NEBL: variants seen among roughly 807,000 people sequenced by gnomAD.
NEBL encodes nebulette.
NEBL carries 122 observed loss-of-function variants against 140.2 expected under a neutral mutation model. The ratio of observed to expected loss-of-function variants is 0.87; its 90% CI spans 0.75 to 1.01. The LOEUF is 1.01. NEBL is among the 50% of genes least tolerant of loss of function. The probability of loss-of-function intolerance (pLI) is 0.00; values close to 1 mark genes in which losing one functional copy is unlikely to be tolerated. For synonymous variants in NEBL, 436 were observed against 398.9 expected, an observed-to-expected ratio of 1.09 and a Z score of -1.11; for missense variants, 1,365 against 1,231.3, an observed-to-expected ratio of 1.11 and a Z score of -1.62.
rs147473463 is a variant in NEBL, at chr10:20,927,128, T to C, written c.357+34544A>G. ...GCTCAGGAGCGGAGGATAACTAAGT[T>C]TCTACTCTGGCCACTGTGTGTCCAG... On this transcript the variant is annotated intron_variant, in intron 4 of 6. Coordinates refer to the NEBL transcript ENST00000417816. Among the ~76,000 whole-genome samples, 74 of 152,226 alleles carry C rather than the reference T, an allele frequency of 4.9e-4. No homozygotes were observed. The Middle Eastern group carries it at 0.01, about 21-fold the overall frequency.
chr10:21,011,005 G>T (rs1044933637), intron 3 of NEBL, among the ~76,000 whole-genome samples: 3 of 152,112 alleles, frequency 2.0e-5, no homozygotes. Context: ...GAAATGGCAG[G>T]CCTGACAATT....
chr10:21,240,097 G>C (rs11012610), intron 3 of NEBL, among the ~76,000 whole-genome samples: 1 of 151,700 alleles, frequency 6.6e-6, no homozygotes, highest in Non-Finnish European at 1.5e-5. Context: ...ACAGAATTTT[G>C]TAAACTAGCC....
At chr10:20,938,750 G>A (rs547120887) in intron 4 of NEBL, among the ~76,000 whole-genome samples, 2 of 152,342 alleles carry the variant, frequency 1.3e-5, no homozygotes, top group Non-Finnish European at 2.9e-5. Flanking sequence ...CAAAGGACCT[G>A]ATGGAGCTGA....
chr10:21,186,854 T>C (rs1203055105), intron 3 of NEBL, among the ~76,000 whole-genome samples: 4 of 152,042 alleles, frequency 2.6e-5, no homozygotes, highest in Non-Finnish European at 4.4e-5. Flanking sequence ...GCTGTATTGA[T>C]TGGAGAATAA....
chr10:21,117,541 C>T (rs1030812765), intron 2 of NEBL, among the ~76,000 whole-genome samples: 1 of 152,174 alleles, frequency 6.6e-6, no homozygotes, highest in African/African-American at 2.4e-5. Flanking sequence ...CTAGAACTCT[C>T]TCCAGGCAGC....
At chr10:21,083,517 A>G (rs1291470362) in intron 2 of NEBL, among the ~76,000 whole-genome samples, 1 of 152,214 alleles carries the variant, frequency 6.6e-6, no homozygotes, top group South Asian at 2.1e-4. Flanking sequence ...CACTGCAGTC[A>G]CTTAGCTAAG....
At chr10:20,880,696 G>A (rs1050449401) in intron 5 of NEBL, 98 bp downstream of exon 5, 2 of 884,262 alleles carry the variant, frequency 2.3e-6, no homozygotes, top group African/African-American at 3.3e-5. Flanking sequence ...TTTTTGAACA[G>A]GGCTGTTGTA....
intron 2 of NEBL, among the ~76,000 whole-genome samples, chr10:21,043,376 A>G (rs923982568): frequency 3.3e-5 from 5 of 152,244 alleles, no homozygotes; most frequent in Admixed American, 6.5e-5. Flanking sequence ...ATCTTACAAA[A>G]ATCCAAGATC....
chr10:21,128,753 T>C (rs1473345074), intron 2 of NEBL, among the ~76,000 whole-genome samples: 1 of 152,130 alleles, frequency 6.6e-6, no homozygotes, highest in Non-Finnish European at 1.5e-5. Flanking sequence ...ACACATTTTT[T>C]AAAAGTGTGA....
intron 2 of NEBL, among the ~76,000 whole-genome samples, chr10:21,119,389 G>A (rs916663534): frequency 4.6e-5 from 7 of 151,076 alleles, no homozygotes; most frequent in Non-Finnish European, 1.5e-5. Context: ...ACACAAACGT[G>A]TATATGTGCA....
chr10:20,821,813 C>T (rs1304364437), intron 19 of NEBL, among the ~76,000 whole-genome samples: 2 of 152,148 alleles, frequency 1.3e-5, no homozygotes, highest in South Asian at 4.1e-4. Flanking sequence ...AGCATACGCT[C>T]CTGCCATCTT....
intron 2 of NEBL, chr10:21,030,770 A>G (rs1833746074): frequency 2.4e-6 from 1 of 418,808 alleles, no homozygotes; most frequent in Non-Finnish European, 4.7e-6. Flanking sequence ...AAGGAGCATG[A>G]CTCCAGATCT....
rs1841167974 is a variant in NEBL, at chr10:21,173,356, C to G, written c.69+409G>C. On this transcript the variant is annotated intron_variant, in intron 1 of 6. Transcript: ENST00000417816. This position sits in a 1 kb window ranked among gnomAD's most constrained non-coding sequence, Gnocchi z 5.7. ...GGTCACAGGAGGCGCTGCGGGTGGG[C>G]GGTGAGGTGGGATCGCGGGCGGATC... Among the ~76,000 whole-genome samples the G allele has an allele frequency of 7.2e-6, 1 of 139,158 alleles. No individual in the cohort carries two copies. Among genetic ancestry groups the G allele is most frequent in the Non-Finnish European group, 1.6e-5 (1 of 63,424 alleles). The allele number at this position is 139,158 out of a possible 152,430, so 91.3% of individuals were successfully genotyped here.
At chr10:20,921,171 TGAAGC>T (rs1183488600) in intron 4 of NEBL, among the ~76,000 whole-genome samples, 1 of 152,182 alleles carries the variant, frequency 6.6e-6, no homozygotes, top group Admixed American at 6.5e-5. Context: ...ATTTAAACTG[TGAAGC>T]CAACACAGAG....
chr10:20,973,859 T>C (rs1427387454), intron 3 of NEBL, among the ~76,000 whole-genome samples: 1 of 152,176 alleles, frequency 6.6e-6, no homozygotes, highest in Non-Finnish European at 1.5e-5. Flanking sequence ...CCATCACAGA[T>C]GTGGAGGAAC....
At chr10:20,935,837 A>C (rs1446515300) in intron 4 of NEBL, among the ~76,000 whole-genome samples, 2 of 152,156 alleles carry the variant, frequency 1.3e-5, no homozygotes, top group Non-Finnish European at 2.9e-5. Flanking sequence ...CCTTCAATAC[A>C]TGAGAATCAT....
At chr10:20,855,102 T>A (rs575073117) in intron 9 of NEBL, among the ~76,000 whole-genome samples, 1 of 151,414 alleles carries the variant, frequency 6.6e-6, no homozygotes, top group East Asian at 2.0e-4. Flanking sequence ...GTGCACCTAG[T>A]AGTAGTAGTC....
chr10:21,233,838 G>A (rs868115817), intron 3 of NEBL, among the ~76,000 whole-genome samples: 1 of 89,068 alleles, frequency 1.1e-5, no homozygotes, highest in Non-Finnish European at 2.7e-5. Flanking sequence ...CATATATATG[G>A]ATATATATTA....
intron 2 of NEBL, among the ~76,000 whole-genome samples, chr10:21,111,392 T>C (rs1589245149): frequency 6.6e-6 from 1 of 151,956 alleles, no homozygotes; most frequent in South Asian, 2.1e-4. Flanking sequence ...CCAAAACAGA[T>C]ATATAGACCA....
Sources: allele counts gnomAD v4.1 joint callset (sites outside exome capture counted in the v4.1 genomes callset), GRCh38; gene constraint gnomAD v4.1.1; non-coding constraint Gnocchi (gnomAD v3.1); transcripts MANE v1.5; gene names NCBI Gene and HGNC (gene_info 2026-07-23, HGNC 2026-07-21).